Variants in MED13L observed in about 807,000 individuals in gnomAD.
MED13L encodes the protein mediator of RNA polymerase II transcription subunit 13-like.
Under a neutral mutation model 220.9 loss-of-function variants are expected in MED13L, and 7 were observed. The ratio of observed to expected loss-of-function variants is 0.03; its 90% CI spans 0.02 to 0.06. The LOEUF (loss-of-function observed/expected upper bound fraction) is 0.06, where lower values mean the gene tolerates loss of function less well. Ranked by LOEUF, MED13L falls within the 10% of genes least tolerant of loss-of-function variation. The pLI, the probability that MED13L is intolerant of heterozygous loss-of-function variation, is 1.00. For missense variants in MED13L, 1,965 were observed against 2,760.5 expected, an observed-to-expected ratio of 0.71 and a Z score of 6.46; for synonymous variants, 1,011 against 1,015.2, an observed-to-expected ratio of 1.00 and a Z score of 0.08.
intron 2 of MED13L, among the ~76,000 whole-genome samples, chr12:116,176,174 C>T (rs926067367): frequency 1.3e-5 from 2 of 152,210 alleles, no homozygotes; most frequent in South Asian, 4.1e-4. Flanking sequence ...AGATCTACCA[C>T]TTAACCTGTG....
intron 4 of MED13L, among the ~76,000 whole-genome samples, chr12:116,096,263 G>A (rs998173392): frequency 1.4e-5 from 2 of 147,258 alleles, no homozygotes; most frequent in Non-Finnish European, 3.0e-5. Flanking sequence ...GCTGAGTTGG[G>A]AGGATCACCT....
At chr12:115,972,312 C>T in intron 25 of MED13L, 76 bp from the exon 26 acceptor site, 1 of 1,561,670 alleles carries the variant, frequency 6.4e-7, no homozygotes, top group Non-Finnish European at 8.7e-7. Flanking sequence ...TTTAGCAGTT[C>T]TGCCCGGTAA....
At chr12:116,209,552 T>C (rs1882564937) in intron 2 of MED13L, among the ~76,000 whole-genome samples, 2 of 152,182 alleles carry the variant, frequency 1.3e-5, no homozygotes, top group African/African-American at 4.8e-5. Context: ...TCTGAAGCAA[T>C]GCCGTGAAAA....
At chr12:116,208,459 G>A (rs1180130834) in intron 2 of MED13L, among the ~76,000 whole-genome samples, 15 of 152,168 alleles carry the variant, frequency 9.9e-5, no homozygotes, top group African/African-American at 2.9e-4. Flanking sequence ...ACGAGTTCAC[G>A]ATAATATTCA....
At chr12:116,094,072 G>A (rs1470662850) in intron 4 of MED13L, among the ~76,000 whole-genome samples, 1 of 152,082 alleles carries the variant, frequency 6.6e-6, no homozygotes, top group African/African-American at 2.4e-5. Context: ...CTCTTCTAAT[G>A]CTAAATGCTC....
At chr12:116,005,628 A>C (rs1879000435) in intron 13 of MED13L, among the ~76,000 whole-genome samples, 1 of 152,196 alleles carries the variant, frequency 6.6e-6, no homozygotes, top group Admixed American at 6.5e-5. Context: ...AAGATCCTTC[A>C]ATGAACAAAA....
chr12:116,215,250 G>A (rs927317608), intron 2 of MED13L, among the ~76,000 whole-genome samples: 6 of 152,110 alleles, frequency 3.9e-5, no homozygotes, highest in Non-Finnish European at 5.9e-5. Flanking sequence ...ATTCCTCTAA[G>A]TGAACATTCT....
intron 2 of MED13L, among the ~76,000 whole-genome samples, chr12:116,208,134 C>G (rs1404320803): frequency 1.3e-5 from 2 of 152,198 alleles, no homozygotes; most frequent in Non-Finnish European, 2.9e-5. Flanking sequence ...GTGGCTCACT[C>G]CTGTAATCCC....
At chr12:116,080,022 T>A (rs954992874) in intron 4 of MED13L, among the ~76,000 whole-genome samples, 3 of 133,738 alleles carry the variant, frequency 2.2e-5, no homozygotes, top group Non-Finnish European at 4.8e-5. Context: ...ACATTTGAGG[T>A]TTTTTTTTTT....
At chr12:116,115,408 G>T (rs1874422258) in intron 2 of MED13L, among the ~76,000 whole-genome samples, 1 of 151,910 alleles carries the variant, frequency 6.6e-6, no homozygotes, top group Admixed American at 6.6e-5. Context: ...AAAATACATA[G>T]GAGATAAATT....
intron 2 of MED13L, among the ~76,000 whole-genome samples, chr12:116,133,977 A>G (rs1418956320): frequency 6.6e-6 from 1 of 152,206 alleles, no homozygotes; most frequent in African/African-American, 2.4e-5. Context: ...AGCCTGACAG[A>G]AAGACTGCAG....
Position 115,975,690 on chromosome 12 carries a change from T to C in MED13L, c.5413A>G (p.Ile1805Val), listed in dbSNP as rs369034017. The change falls in exon 24 of 31, where the codon ATC (isoleucine) becomes GTC (valine). Residue 1805 changes from isoleucine to valine, a missense_variant. This residue lies in a region of MED13L where 510 missense variants were observed against 620.4 expected (regional missense o/e 0.82). Coordinates refer to ENST00000281928, the MANE Select transcript of MED13L (RefSeq NM_015335.5). ...CCCAGCTCTGTCTGCTTGTCTTTGATTGGGGCCAATATAAAGGGAGGGGAG... is the reference window on the plus strand; with the variant it reads ...CCCAGCTCTGTCTGCTTGTCTTTGACTGGGGCCAATATAAAGGGAGGGGAG... ...LYSPPFILAP[I>V]KDKQTELGET... 8.8e-5 allele frequency: 142 copies of C among 1,613,886 alleles called. No individual in the cohort carries two copies. The highest frequency in any genetic ancestry group is 1.6e-4 in the East Asian group (7 of 44,872).
intron 3 of MED13L, among the ~76,000 whole-genome samples, chr12:116,107,160 G>C (rs1227030868): frequency 6.6e-6 from 1 of 152,194 alleles, no homozygotes; most frequent in Non-Finnish European, 1.5e-5. Context: ...TCTGAAGGAA[G>C]TGAAGAAAAG....
At chr12:116,239,988 A>G (rs911616261) in intron 1 of MED13L, among the ~76,000 whole-genome samples, 18 of 152,344 alleles carry the variant, frequency 1.2e-4, no homozygotes, top group Admixed American at 3.3e-4. Flanking sequence ...AGCATTTATA[A>G]AAGACAGTGT....
At chr12:116,165,012 T>C (rs1477782931) in intron 2 of MED13L, among the ~76,000 whole-genome samples, 4 of 152,224 alleles carry the variant, frequency 2.6e-5, no homozygotes, top group Admixed American at 6.5e-5. Context: ...TCCAAAAGCA[T>C]ATCTGCAATA....
At chr12:115,965,155 GTA>G (rs765782906) in intron 29 of MED13L, among the ~76,000 whole-genome samples, 5 of 152,144 alleles carry the variant, frequency 3.3e-5, no homozygotes, top group Admixed American at 6.5e-5. Context: ...GTGTGTACGT[GTA>G]TATGTGTGTG....
chr12:115,964,929 G>C (rs1216402694), intron 29 of MED13L, among the ~76,000 whole-genome samples: 1 of 152,120 alleles, frequency 6.6e-6, no homozygotes, highest in Admixed American at 6.5e-5. Flanking sequence ...TCAGCAGACA[G>C]AGCTAAAAAA....
intron 4 of MED13L, among the ~76,000 whole-genome samples, chr12:116,076,014 C>T (rs965604168): frequency 3.3e-5 from 5 of 150,852 alleles, no homozygotes; most frequent in Admixed American, 2.0e-4. Flanking sequence ...CCCGGGTTCA[C>T]GCCATTCTCC....
chr12:116,263,768 G>A (rs1476513072), intron 1 of MED13L, among the ~76,000 whole-genome samples: 3 of 152,164 alleles, frequency 2.0e-5, no homozygotes, highest in African/African-American at 7.2e-5. Context: ...GTCAGACAGA[G>A]AGAAGACACA....
Sources: gnomAD v4.1 joint callset for allele counts (sites outside exome capture counted in the v4.1 genomes callset) on GRCh38, gnomAD v4.1.1 for gene constraint, gnomAD v4.1.1 regional missense constraint, MANE v1.5 for transcripts, NCBI Gene and HGNC (gene_info 2026-07-23, HGNC 2026-07-21) for gene names.